SNTG1: variants seen among roughly 807,000 people sequenced by gnomAD.
SNTG1 encodes the protein gamma-1-syntrophin.
In SNTG1, 39 loss-of-function variants were observed where a neutral mutation model predicts 74.7. The ratio of observed to expected loss-of-function variants is 0.52; its 90% CI spans 0.40 to 0.68. SNTG1 has a LOEUF of 0.68. Ranked by LOEUF, SNTG1 falls within the 30% of genes least tolerant of loss-of-function variation. The pLI, the probability that SNTG1 is intolerant of heterozygous loss-of-function variation, is 0.00. For missense variants in SNTG1, 685 were observed against 609.5 expected (o/e 1.12, Z -1.30); for synonymous variants, 254 against 217.1 (o/e 1.17, Z -1.49).
intron 5 of SNTG1, among the ~76,000 whole-genome samples, chr8:50,445,690 T>G (rs574241087): frequency 6.6e-6 from 1 of 152,306 alleles, no homozygotes; most frequent in African/African-American, 2.4e-5. Flanking sequence ...TAATCTTGTA[T>G]TTCTCCATAA....
At chr8:50,042,063 CTG>C (rs972498760) in intron 1 of SNTG1, among the ~76,000 whole-genome samples, 4 of 152,178 alleles carry the variant, frequency 2.6e-5, no homozygotes, top group African/African-American at 9.7e-5. Flanking sequence ...AGCTAAAAAA[CTG>C]TGAGTGAAAC....
intron 12 of SNTG1, among the ~76,000 whole-genome samples, chr8:50,558,449 G>A (rs2094468985): frequency 6.6e-6 from 1 of 152,086 alleles, no homozygotes. Context: ...AAGGAAGCAA[G>A]AAAAAGAAAG....
chr8:50,166,960 A>G (rs1229286383), intron 1 of SNTG1, among the ~76,000 whole-genome samples: 1 of 148,146 alleles, frequency 6.8e-6, no homozygotes. Flanking sequence ...TGATGAGTTC[A>G]TGTCCTTTGT....
chr8:50,657,912 A>G (rs1182482519), intron 14 of SNTG1, among the ~76,000 whole-genome samples: 1 of 152,132 alleles, frequency 6.6e-6, no homozygotes, highest in Non-Finnish European at 1.5e-5. Context: ...TATAAATACC[A>G]AATGCCAGAC....
chr8:50,415,995 G>A (rs544115966), intron 4 of SNTG1, among the ~76,000 whole-genome samples: 32 of 152,102 alleles, frequency 2.1e-4, no homozygotes, highest in Admixed American at 4.6e-4. Context: ...CAAATATTGA[G>A]CCACATAGGC....
At chr8:50,582,737 T>C (rs564174525) in intron 12 of SNTG1, among the ~76,000 whole-genome samples, 29 of 152,306 alleles carry the variant, frequency 1.9e-4, no homozygotes, top group African/African-American at 5.8e-4. Context: ...TGACCTAGGC[T>C]TGGTTTTGAA....
intron 2 of SNTG1, among the ~76,000 whole-genome samples, chr8:50,392,975 A>G (rs1203657714): frequency 6.6e-6 from 1 of 152,174 alleles, no homozygotes; most frequent in African/African-American, 2.4e-5. Context: ...TATAATCAAT[A>G]CATATCAAAA....
At chr8:50,751,970 C>G in intron 17 of SNTG1, 31 bp from the exon 18 acceptor site, 1 of 1,319,156 alleles carries the variant, frequency 7.6e-7, no homozygotes. Flanking sequence ...TTAATTCCAC[C>G]GACTTACATT....
intron 13 of SNTG1, 26 bp downstream of exon 13, chr8:50,590,943 CTAAATAATATATTTCTT>C: frequency 6.7e-7 from 1 of 1,502,540 alleles, no homozygotes; most frequent in Non-Finnish European, 9.0e-7. Flanking sequence ...ACTTGGAAAG[CTAAATAATATATTTCTT>C]TAATTTTATT....
chr8:50,334,907 A>G (rs2091091118), intron 2 of SNTG1, among the ~76,000 whole-genome samples: 1 of 152,206 alleles, frequency 6.6e-6, no homozygotes, highest in African/African-American at 2.4e-5. Flanking sequence ...TAACTTGAAA[A>G]TATAGTTAAT....
intron 18 of SNTG1, among the ~76,000 whole-genome samples, chr8:50,753,893 T>A (rs1005822733): frequency 7.2e-5 from 11 of 151,996 alleles, no homozygotes; most frequent in Admixed American, 7.2e-4. Flanking sequence ...AAGAAAATAA[T>A]ACCTCCATAG....
At chr8:50,078,497 T>C (rs1822105793) in intron 1 of SNTG1, among the ~76,000 whole-genome samples, 1 of 152,234 alleles carries the variant, frequency 6.6e-6, no homozygotes, top group Non-Finnish European at 1.5e-5. Context: ...TATTCTTAGA[T>C]ACATTATAAT....
At chr8:50,607,316 T>G (rs781709440) in intron 13 of SNTG1, among the ~76,000 whole-genome samples, 1 of 151,738 alleles carries the variant, frequency 6.6e-6, no homozygotes, top group Non-Finnish European at 1.5e-5. Flanking sequence ...GGCAAAAATC[T>G]CCCAGTTAAG....
At chr8:50,338,250 C>A (rs1261704030) in intron 2 of SNTG1, among the ~76,000 whole-genome samples, 1 of 152,082 alleles carries the variant, frequency 6.6e-6, no homozygotes, top group Non-Finnish European at 1.5e-5. Context: ...ATGGAAACTT[C>A]CGGCATCTAC....
intron 8 of SNTG1, among the ~76,000 whole-genome samples, chr8:50,456,787 G>A (rs892005729): frequency 2.6e-5 from 4 of 152,042 alleles, no homozygotes; most frequent in Non-Finnish European, 5.9e-5. Flanking sequence ...GGCCCCAGCC[G>A]ATTTCCTTGG....
chr8:50,663,475 G>A (rs2095235481), intron 15 of SNTG1, among the ~76,000 whole-genome samples: 1 of 152,088 alleles, frequency 6.6e-6, no homozygotes, highest in South Asian at 2.1e-4. Flanking sequence ...GGAGGAGAGA[G>A]GCAGAGGAGT....
At chr8:50,249,267 C>T (rs973356048) in intron 2 of SNTG1, among the ~76,000 whole-genome samples, 9 of 152,188 alleles carry the variant, frequency 5.9e-5, no homozygotes, top group Admixed American at 2.6e-4. Flanking sequence ...GTCCTCATGG[C>T]ATTTGCAACC....
intron 4 of SNTG1, among the ~76,000 whole-genome samples, chr8:50,433,730 C>A (rs2093269294): frequency 6.6e-6 from 1 of 152,080 alleles, no homozygotes; most frequent in African/African-American, 2.4e-5. Flanking sequence ...TAATACCTAA[C>A]TTTGTTTCAT....
In SNTG1 at chr8:50,121,125, A is replaced by G. The variant is rs1404332478; in HGVS notation, c.-102-51436A>G. On this transcript the variant is annotated intron_variant, in intron 1 of 18. Transcript: ENST00000642720. ...AATAAATGCACACTTGCCATACACAAAAAACTAGTCTCTCAAGACCATTAT... is the reference window on the plus strand; with the variant it reads ...AATAAATGCACACTTGCCATACACAGAAAACTAGTCTCTCAAGACCATTAT... Among the ~76,000 whole-genome samples, 3 of 142,536 alleles carry G rather than the reference A, an allele frequency of 2.1e-5. 1 individual carries two copies. Among genetic ancestry groups the G allele is most frequent in the Non-Finnish European group, 4.7e-5 (3 of 63,948 alleles). The allele number at this position is 142,536 out of a possible 152,430, so 93.5% of individuals were successfully genotyped here.
Sources: gnomAD v4.1 joint callset for allele counts (sites outside exome capture counted in the v4.1 genomes callset) on GRCh38, gnomAD v4.1.1 for gene constraint, MANE v1.5 for transcripts, NCBI Gene and HGNC (gene_info 2026-07-23, HGNC 2026-07-21) for gene names.